Variants in ABCB6 observed in about 807,000 individuals in gnomAD.
The protein encoded by ABCB6 is ATP binding cassette subfamily B member 6 (LAN blood group).
Under a neutral mutation model 99.4 loss-of-function variants are expected in ABCB6, and 87 were observed. The observed-to-expected ratio is 0.88, with a 90% confidence interval of 0.74 to 1.05. The LOEUF is 1.05. Among genes scored for constraint, ABCB6 ranks in the 50% least tolerant of loss-of-function variants. The pLI is 0.00. For synonymous variants in ABCB6, 482 were observed against 447.5 expected (o/e 1.08, Z -0.97); for missense variants, 1,050 against 1,097.9 (o/e 0.96, Z 0.62).
Position 219,210,397 on chromosome 2 carries a change from T to C in ABCB6, c.2335A>G (p.Ile779Val). ...GTCCTGTACCTGTGTGCCACTACGATGGTGGTGCGGTTGGCACAGACTTTG... is the reference window on the plus strand; with the variant it reads ...GTCCTGTACCTGTGTGCCACTACGACGGTGGTGCGGTTGGCACAGACTTTG... The part of the protein sequence containing the change: ...LAKVCANRTT[I>V]VVAHRLSTVV... Residue 779 changes from isoleucine to valine, a missense_variant, in exon 17 of 19, where the codon ATC (isoleucine) becomes GTC (valine). Coordinates refer to ENST00000265316, the MANE Select transcript of ABCB6 (RefSeq NM_005689.4). 2 of 1,614,144 alleles carry C rather than the reference T, an allele frequency of 1.2e-6. No homozygotes were observed. The highest frequency in any genetic ancestry group is 1.7e-5 in the Admixed American group (1 of 60,000).
rs371649861 is a variant in ABCB6, at chr2:219,210,472, T to C, written c.2260A>G (p.Thr754Ala). Residue 754 changes from threonine to alanine, a missense_variant, in exon 17 of 19, where the codon ACG becomes GCG. Transcript: ENST00000265316. ...APGIILLDEA[T>A]SALDTSNERA... ...TCATTAGATGTATCCAGCGCTGACG[T>C]TGCCTATAGAGAGGGTCCAGGTAAA... is the stretch of plus-strand genomic sequence containing the variant. 6.8e-5 allele frequency: 109 copies of C among 1,614,040 alleles called. No individual in the cohort carries two copies. The East Asian group carries it at 1.3e-3, about 19-fold the overall frequency.
Position 219,218,821 on chromosome 2 carries a change from G to T in ABCB6, c.-148C>A. On this transcript the variant is annotated 5_prime_UTR_variant, in exon 1 of 19. Transcript: ENST00000265316. ...GCGGGGGTCCCGGGAAGGGACGCAC[G>T]TGGACCAGGCCTCACCGCCCACTCC... 1 of 887,114 alleles carries T rather than the reference G, an allele frequency of 1.1e-6. No homozygotes were observed. The allele number at this position is 887,114 out of a possible 1,614,324, so 55.0% of individuals were successfully genotyped here.
In ABCB6 at chr2:219,214,891, G is replaced by C. The variant is rs563041050; in HGVS notation, c.1276+70C>G. The C allele has an allele frequency of 7.8e-5, 124 of 1,590,908 alleles. No homozygotes were observed. The South Asian group carries it at 1.2e-3, about 15-fold the overall frequency. On this transcript the variant is annotated intron_variant, in intron 6 of 18. Transcript: ENST00000265316. ...CCTCCCATAGGTGGGTCACTTGAGT[G>C]GGGGCACAGCTCATGGCCAAGGGAG...
Position 219,212,475 on chromosome 2 carries a change from G to A in ABCB6, c.1880C>T (p.Ala627Val), listed in dbSNP as rs1559235672. Residue 627 changes from alanine to valine, a missense_variant, in exon 14 of 19, where the codon GCA (alanine) becomes GTA (valine). Physicochemically the swap from Ala to Val is moderately conservative, Grantham distance 64. Transcript: ENST00000265316. ...QTLALVGPSG[A>V]GKSTILRLLF... ...CAGGCGCAAAATTGTGCTCTTCCCT[G>A]CCCCAGATGGGCCCACCTGTTGCAT... The A allele has an allele frequency of 6.2e-7, 1 of 1,613,936 alleles. No individual in the cohort carries two copies. The highest frequency in any genetic ancestry group is 1.3e-5 in the African/African-American group (1 of 75,020).
intron 1 of ABCB6, 33 bp from the exon 2 acceptor site, chr2:219,217,840 T>C (rs1950663804): frequency 6.2e-7 from 1 of 1,605,360 alleles, no homozygotes; most frequent in Middle Eastern, 1.7e-4. Flanking sequence ...AGAGTATCAT[T>C]GAGGATAAAA....
chr2:219,214,467 G>C lies in ABCB6; in HGVS notation c.1308C>G (p.Thr436=). 6.2e-7 allele frequency: 1 copy of C among 1,614,108 alleles called. No individual in the cohort carries two copies. The highest frequency in any genetic ancestry group is 8.5e-7 in the Non-Finnish European group (1 of 1,179,998). ...TLTIVVTEWR[T]KFRRAMNTQE... is the part of the protein sequence containing the mutation. ...GTGTGTTCATAGCACGACGAAACTT[G>C]GTTCTCCACTCAGTGACCACAATGG... Residue 436 remains threonine, a synonymous_variant, in exon 7 of 19, where the codon ACC becomes ACG. Transcript: ENST00000265316.
rs763220353 is a variant in ABCB6, at chr2:219,212,351, A to T, written c.1968+36T>A. ...GCCCTTATCATTCCTCCACACGTAG[A>T]CCCCTAAACCACCGTCTTCTCCAGA... On this transcript the variant is annotated intron_variant, in intron 14 of 18. Coordinates refer to ENST00000265316, the MANE Select transcript of ABCB6 (RefSeq NM_005689.4). The T allele has an allele frequency of 1.6e-5, 25 of 1,567,890 alleles. No individual in the cohort carries two copies. In the African/African-American group the frequency reaches 3.4e-4, roughly 21 times the overall value.
rs374177376 is a variant in ABCB6 at position 219,216,461 on chromosome 2, G to A, written c.873C>T (p.Asn291=). 1.2e-5 allele frequency: 19 copies of A among 1,613,968 alleles called. No individual in the cohort carries two copies. Among genetic ancestry groups the A allele is most frequent in the Non-Finnish European group, 1.6e-5 (19 of 1,179,934 alleles). Residue 291 remains asparagine (N), a synonymous_variant, in exon 4 of 19, where the codon AAC becomes AAT. Transcript: ENST00000265316. This position sits in a 1 kb window ranked among gnomAD's most constrained non-coding sequence, Gnocchi z 4.2. ...TCCAAGGTGCCTTCTCAGTCAGCAA[G>A]TTCACTGTGGAGGAAACGAGTCAGA... ...LVPIFYRNIV[N]LLTEKAPWNS... is the part of the protein sequence containing the mutation.
chr2:219,212,412 C>A lies in ABCB6; in HGVS notation c.1943G>T (p.Arg648Leu), dbSNP rs13402964. Residue 648 changes from arginine (R) to leucine (L), a missense_variant, in exon 14 of 19, where the codon CGA becomes CTA. Arg to Leu is a moderately radical substitution (Grantham distance 102, BLOSUM62 -2). Coordinates refer to ENST00000265316, the MANE Select transcript of ABCB6 (RefSeq NM_005689.4). ...CTGTGAAATGTCCTGCCCATCTATTCGGATGCAGCCAGAGCTGATGTCGTA... is the reference window on the plus strand; with the variant it reads ...CTGTGAAATGTCCTGCCCATCTATTAGGATGCAGCCAGAGCTGATGTCGTA... ...RFYDISSGCI[R>L]IDGQDISQVT... 1 of 1,614,046 alleles carries A rather than the reference C, an allele frequency of 6.2e-7. No individual in the cohort carries two copies. Among genetic ancestry groups the A allele is most frequent in the African/African-American group, 1.3e-5 (1 of 74,918 alleles).
intron 14 of ABCB6, among the ~76,000 whole-genome samples, 157 bp from the exon 15 acceptor site, chr2:219,211,265 G>C (rs898418791): frequency 6.6e-6 from 1 of 152,178 alleles, no homozygotes; most frequent in South Asian, 2.1e-4. Context: ...ACTCCTCTCT[G>C]TTTCCCCATC....
intron 17 of ABCB6, 34 bp downstream of exon 17, chr2:219,210,347 C>T: frequency 1.2e-6 from 2 of 1,614,224 alleles, no homozygotes; most frequent in Non-Finnish European, 1.7e-6. Flanking sequence ...AAGCGGGCCA[C>T]ATCACCAGCC....
At chr2:219,213,386 A>G in intron 11 of ABCB6, 53 bp downstream of exon 11, 1 of 1,613,846 alleles carries the variant, frequency 6.2e-7, no homozygotes, top group Non-Finnish European at 8.5e-7. Context: ...CAAGCACGAG[A>G]AACACCACAC....
At position 219,217,653 on chromosome 2, in the gene ABCB6, A is replaced by AT. The variant is rs1326311423; in HGVS notation, c.687+16_687+17insA. 1 of 1,576,426 alleles carries AT rather than the reference A, an allele frequency of 6.3e-7. No homozygotes were observed. The highest frequency in any genetic ancestry group is 2.0e-5 in the Admixed American group (1 of 50,146). On this transcript the variant is annotated intron_variant, in intron 2 of 18. Coordinates refer to ENST00000265316, the MANE Select transcript of ABCB6 (RefSeq NM_005689.4). Reference sequence around the variant, plus strand: ...GCAAGACTCCGTCTCCAAAAAAAAAAAGAAACTGAGGTGTACCTGGCTCCT... The same window carrying AT: ...GCAAGACTCCGTCTCCAAAAAAAAAATAGAAACTGAGGTGTACCTGGCTCCT...
At chr2:219,215,953 C>T in intron 5 of ABCB6, 44 bp downstream of exon 5, 1 of 1,495,984 alleles carries the variant, frequency 6.7e-7, no homozygotes, top group Middle Eastern at 2.4e-4. Context: ...ATCCCTGCTT[C>T]TCCGGCTCCA....
rs13402964 is a variant in ABCB6, at chr2:219,212,412, C to T, written c.1943G>A (p.Arg648Gln). The T allele has an allele frequency of 3.6e-4, 588 of 1,614,164 alleles. 1 individual carries two copies. The African/African-American group carries it at 6.3e-3, about 17-fold the overall frequency. Residue 648 changes from arginine (R) to glutamine (Q), a missense_variant, in exon 14 of 19, where the codon CGA becomes CAA. Arg to Gln is a conservative substitution (Grantham distance 43). Transcript: ENST00000265316. ...CTGTGAAATGTCCTGCCCATCTATT[C>T]GGATGCAGCCAGAGCTGATGTCGTA... ...RFYDISSGCI[R>Q]IDGQDISQVT...
chr2:219,215,968 C>G (rs1422208543), intron 5 of ABCB6, 29 bp downstream of exon 5: 35 of 1,521,282 alleles, frequency 2.3e-5, no homozygotes, highest in Non-Finnish European at 3.1e-5. Flanking sequence ...GCTCCACCCT[C>G]CCACATGCCC....
chr2:219,211,008 G>A lies in ABCB6; in HGVS notation c.2069C>T (p.Thr690Ile). 1.2e-6 allele frequency: 2 copies of A among 1,614,194 alleles called. No homozygotes were observed. Among genetic ancestry groups the A allele is most frequent in the Non-Finnish European group, 1.7e-6 (2 of 1,180,028 alleles). Residue 690 changes from threonine to isoleucine, a missense_variant, in exon 15 of 19, where the codon ACA (threonine) becomes ATA (isoleucine). Physicochemically the swap from Thr to Ile is moderately conservative, Grantham distance 89. Transcript: ENST00000265316. ...AGCCTCCACCTCATCATTCCCAGCTGTGACACGGCCGTAACGGATATTGTC... is the reference window on the plus strand; with the variant it reads ...AGCCTCCACCTCATCATTCCCAGCTATGACACGGCCGTAACGGATATTGTC... Reference protein sequence around the residue: ...IADNIRYGRVTAGNDEVEAAA... With the variant: ...IADNIRYGRVIAGNDEVEAAA...
chr2:219,216,962 G>A lies in ABCB6; in HGVS notation c.688-130C>T. ...CAGACCCACAAGTGATCCTTGATGG[G>A]GTCAGAAAAACTAAGTTGCAAACTG... On this transcript the variant is annotated intron_variant, in intron 2 of 18. Transcript: ENST00000265316. The surrounding 1 kb of genome is among the most constrained non-coding windows in gnomAD (Gnocchi z 4.2). 5 of 777,014 alleles carry A rather than the reference G, an allele frequency of 6.4e-6. No individual in the cohort carries two copies. Among genetic ancestry groups the A allele is most frequent in the Admixed American group, 3.1e-5 (1 of 31,778 alleles). 48.1% of individuals were successfully genotyped at this position (777,014 alleles called of 1,614,324 possible). A position where few individuals can be genotyped will look rare whatever the true frequency, so the allele number is the denominator to read the frequency against.
chr2:219,210,846 G>A (rs775027485), intron 15 of ABCB6, 23 bp from the exon 16 acceptor site: 13 of 1,613,548 alleles, frequency 8.1e-6, no homozygotes, highest in South Asian at 2.2e-5. Context: ...CCCACCACAC[G>A]TTTCTTACGA....
Sources: gnomAD v4.1 joint callset for allele counts (sites outside exome capture counted in the v4.1 genomes callset) on GRCh38, gnomAD v4.1.1 for gene constraint, Gnocchi (gnomAD v3.1) non-coding constraint, MANE v1.5 for transcripts, NCBI Gene and HGNC (gene_info 2026-07-23, HGNC 2026-07-21) for gene names.